The following RASAL2 variants were observed in gnomAD, a reference collection of about 807,000 sequenced individuals.
The protein encoded by RASAL2 is ras GTPase-activating protein nGAP.
In RASAL2, 58 loss-of-function variants were observed where a neutral mutation model predicts 128.9. The ratio of observed to expected loss-of-function variants is 0.45; its 90% confidence interval spans 0.36 to 0.56. The LOEUF (loss-of-function observed/expected upper bound fraction) is 0.56, where lower values mean the gene tolerates loss of function less well. RASAL2 is among the 20% of genes least tolerant of loss of function. The pLI is 0.00. For missense variants in RASAL2, 1,360 were observed against 1,601.6 expected, an observed-to-expected ratio of 0.85 and a Z score of 2.57; for synonymous variants, 561 against 580.8, an observed-to-expected ratio of 0.97 and a Z score of 0.49.
At chr1:178,331,367 A>G (rs866421817) in intron 3 of RASAL2, among the ~76,000 whole-genome samples, 1 of 152,250 alleles carries the variant, frequency 6.6e-6, no homozygotes. Flanking sequence ...CCCGTGTCCT[A>G]TGACATTGTC....
At chr1:178,258,165 G>T (rs1211981963) in intron 1 of RASAL2, among the ~76,000 whole-genome samples, 3 of 151,684 alleles carry the variant, frequency 2.0e-5, no homozygotes, top group Admixed American at 6.6e-5. Flanking sequence ...ATGGTGGCAC[G>T]CACCTGTAGT....
intron 1 of RASAL2, among the ~76,000 whole-genome samples, chr1:178,224,729 A>G (rs1663730840): frequency 6.6e-6 from 1 of 152,182 alleles, no homozygotes; most frequent in Non-Finnish European, 1.5e-5. Flanking sequence ...GATACATATA[A>G]TAAAATAGAA....
intron 17 of RASAL2, 47 bp downstream of exon 17, chr1:178,467,468 A>G (rs1558014919): frequency 6.5e-7 from 1 of 1,530,276 alleles, no homozygotes; most frequent in Non-Finnish European, 9.0e-7. Flanking sequence ...TATAGTAACG[A>G]TTATTTCCTG....
rs1666306612 is a variant in RASAL2 at position 178,272,445 on chromosome 1, C to T, written c.203-11119C>T. Among the ~76,000 whole-genome samples the T allele has an allele frequency of 2.0e-5, 3 of 151,798 alleles. No homozygotes were observed. In the South Asian group the frequency reaches 6.2e-4, roughly 32 times the overall value. On this transcript the variant is annotated intron_variant, in intron 1 of 17. Coordinates refer to ENST00000367649, the MANE Select transcript of RASAL2 (RefSeq NM_170692.4). ...CCTTTTAACTCTACATTAAAGGACC[C>T]CCCCTTTCCCTTTCTATTCATTTCT...
chr1:178,207,899 T>C (rs1391640687), intron 1 of RASAL2, among the ~76,000 whole-genome samples: 2 of 152,190 alleles, frequency 1.3e-5, no homozygotes, highest in Admixed American at 6.5e-5. Context: ...AGTCAAATCA[T>C]GTTGCGGGAG....
chr1:178,135,103 T>G (rs1660268109), intron 1 of RASAL2, among the ~76,000 whole-genome samples: 1 of 152,226 alleles, frequency 6.6e-6, no homozygotes. Context: ...TTGATGCACA[T>G]TTATTAGGCA....
intron 1 of RASAL2, among the ~76,000 whole-genome samples, chr1:178,212,455 A>G (rs1432203421): frequency 6.6e-6 from 1 of 152,132 alleles, no homozygotes; most frequent in Non-Finnish European, 1.5e-5. Flanking sequence ...ATAATAAACA[A>G]CGCGAAGGAA....
At chr1:178,277,403 C>T (rs1666573475) in intron 1 of RASAL2, among the ~76,000 whole-genome samples, 1 of 152,136 alleles carries the variant, frequency 6.6e-6, no homozygotes, top group African/African-American at 2.4e-5. Context: ...AAGTGATCCA[C>T]CCACCTTGGC....
At chr1:178,243,789 A>G (rs1191462040) in intron 1 of RASAL2, among the ~76,000 whole-genome samples, 1 of 152,008 alleles carries the variant, frequency 6.6e-6, no homozygotes, top group African/African-American at 2.4e-5. Flanking sequence ...TTCTTTTTAC[A>G]GAGTTCTTCT....
intron 1 of RASAL2, among the ~76,000 whole-genome samples, chr1:178,271,076 C>T (rs1332905936): frequency 1.3e-5 from 2 of 152,124 alleles, no homozygotes; most frequent in Non-Finnish European, 2.9e-5. Flanking sequence ...TGGGAAGGGA[C>T]ATTTATCTAT....
intron 3 of RASAL2, among the ~76,000 whole-genome samples, chr1:178,369,315 G>A (rs751521843): frequency 2.6e-5 from 4 of 152,084 alleles, no homozygotes; most frequent in East Asian, 1.9e-4. Context: ...TCTGCCTCCC[G>A]GGTTCAAGCA....
At chr1:178,469,424 A>G (rs180882296) in intron 17 of RASAL2, among the ~76,000 whole-genome samples, 1 of 152,252 alleles carries the variant, frequency 6.6e-6, no homozygotes, top group Admixed American at 6.5e-5. Flanking sequence ...CTAATTTTAT[A>G]TTAGGGCTAG....
rs141728640 is a variant in RASAL2 at position 178,218,770 on chromosome 1, G to C, written c.203-64794G>C. Among the ~76,000 whole-genome samples the C allele has an allele frequency of 3.0e-4, 45 of 152,370 alleles. No homozygotes were observed. The East Asian group carries it at 8.5e-3, about 29-fold the overall frequency. On this transcript the variant is annotated intron_variant, in intron 1 of 17. Transcript: ENST00000367649. ...ATTTTAATGATAGAGTGCAGTCAGAGTAGATTTAGCATAATTCATACGGGC... is the reference window on the plus strand; with the variant it reads ...ATTTTAATGATAGAGTGCAGTCAGACTAGATTTAGCATAATTCATACGGGC...
At chr1:178,438,277 A>G (rs190340839) in intron 5 of RASAL2, among the ~76,000 whole-genome samples, 139 of 152,224 alleles carry the variant, frequency 9.1e-4, no homozygotes, top group Non-Finnish European at 1.4e-3. Flanking sequence ...TTTTTACTTT[A>G]TAATTTAACC....
At chr1:178,126,780 A>G (rs1447202414) in intron 1 of RASAL2, among the ~76,000 whole-genome samples, 1 of 152,170 alleles carries the variant, frequency 6.6e-6, no homozygotes, top group African/African-American at 2.4e-5. Flanking sequence ...CATTCATTCA[A>G]TTCCTGTAAA....
At chr1:178,372,333 G>A (rs1043124856) in intron 3 of RASAL2, 1 of 985,230 alleles carries the variant, frequency 1.0e-6, no homozygotes, top group Non-Finnish European at 1.2e-6. Flanking sequence ...GTACGGTAGG[G>A]CTTGCTTGTT....
chr1:178,197,454 G>A (rs548388388), intron 1 of RASAL2, among the ~76,000 whole-genome samples: 13 of 148,272 alleles, frequency 8.8e-5, no homozygotes, highest in South Asian at 2.1e-4. Flanking sequence ...ACTCTGTCTC[G>A]AAAAAAAAAC....
intron 1 of RASAL2, among the ~76,000 whole-genome samples, chr1:178,278,441 G>A (rs1039518754): frequency 1.3e-5 from 2 of 152,078 alleles, no homozygotes; most frequent in African/African-American, 4.8e-5. Flanking sequence ...ATTCAACTGA[G>A]GCCCCACCCT....
chr1:178,214,858 C>T, intron 1 of RASAL2, among the ~76,000 whole-genome samples: 1 of 152,134 alleles, frequency 6.6e-6, no homozygotes, highest in East Asian at 1.9e-4. Flanking sequence ...ATGCCTGGCC[C>T]ACCTGGACTA....
Sources: allele counts gnomAD v4.1 joint callset (sites outside exome capture counted in the v4.1 genomes callset), GRCh38; gene constraint gnomAD v4.1.1; transcripts MANE v1.5; gene names NCBI Gene and HGNC (gene_info 2026-07-23, HGNC 2026-07-21).